MAGED1: variants seen among roughly 807,000 people sequenced by gnomAD.
MAGED1 encodes MAGE family member D1.
In MAGED1, 3 loss-of-function variants were observed where a neutral mutation model predicts 54.1. That is an observed-to-expected ratio of 0.06 (90% confidence interval 0.03 to 0.14). The LOEUF (loss-of-function observed/expected upper bound fraction) is 0.14, where lower values mean the gene tolerates loss of function less well. MAGED1 is among the 10% of genes least tolerant of loss of function. The pLI is 1.00. For synonymous variants in MAGED1, 217 were observed against 227.3 expected (o/e 0.95, Z 0.41); for missense variants, 485 against 623.4 (o/e 0.78, Z 2.36).
At chrX:51,833,278 A>G (rs1341259505) in intron 1 of MAGED1, among the ~76,000 whole-genome samples, 2 of 109,790 alleles carry the variant, frequency 1.8e-5, no homozygotes, top group African/African-American at 6.6e-5. Context: ...TACAGGAATA[A>G]GGTAGTGGAA....
chrX:51,846,128 C>T (rs782534235), intron 1 of MAGED1, among the ~76,000 whole-genome samples: 7 of 111,607 alleles, frequency 6.3e-5, no homozygotes, highest in Non-Finnish European at 1.3e-4. Context: ...TGAATAATGG[C>T]CTCCAAAGAT....
chrX:51,841,811 C>G (rs1023773412), intron 1 of MAGED1, among the ~76,000 whole-genome samples: 5 of 111,879 alleles, frequency 4.5e-5, no homozygotes, highest in Admixed American at 1.9e-4. Context: ...GTTTTGGTAC[C>G]AGTACCGTGC....
intron 1 of MAGED1, among the ~76,000 whole-genome samples, chrX:51,844,421 G>T (rs1926612908): frequency 1.8e-5 from 2 of 112,310 alleles, no homozygotes; most frequent in African/African-American, 6.5e-5. Context: ...AAGAATGAGA[G>T]AAATTGAAGG....
chrX:51,866,914 A>G (rs782291385), intron 1 of MAGED1, among the ~76,000 whole-genome samples: 1 of 112,063 alleles, frequency 8.9e-6, no homozygotes, highest in Admixed American at 9.4e-5. Context: ...TGTTAGTGGT[A>G]AAACATGGAT....
chrX:51,814,454 A>G (rs1557355875), intron 1 of MAGED1, among the ~76,000 whole-genome samples: 1 of 111,883 alleles, frequency 8.9e-6, no homozygotes, highest in Non-Finnish European at 1.9e-5. Flanking sequence ...TTAATCTTAT[A>G]TGACCACCAT....
chrX:51,809,911 A>G (rs1925159896), intron 1 of MAGED1, among the ~76,000 whole-genome samples: 3 of 111,783 alleles, frequency 2.7e-5, no homozygotes, highest in South Asian at 3.7e-4. Flanking sequence ...CTTATCAGCT[A>G]TTTTTTGTCC....
chrX:51,889,248 C>T (rs1010819584), upstream of MAGED1, among the ~76,000 whole-genome samples: 3 of 111,353 alleles, frequency 2.7e-5, no homozygotes, highest in Admixed American at 2.9e-4. Flanking sequence ...GTAATTATTT[C>T]AAAATAAAAA....
chrX:51,879,037 T>C, intron 1 of MAGED1, among the ~76,000 whole-genome samples: 1 of 112,340 alleles, frequency 8.9e-6, no homozygotes, highest in South Asian at 3.7e-4. Context: ...CTTTTTATTA[T>C]TTGCATGTAA....
upstream of MAGED1, among the ~76,000 whole-genome samples, chrX:51,888,752 T>G (rs1247479262): frequency 3.6e-5 from 4 of 111,884 alleles, no homozygotes; most frequent in African/African-American, 1.3e-4. Flanking sequence ...AACCAACTGT[T>G]GTAGCACCTC....
intron 9 of MAGED1, 95 bp from the exon 10 acceptor site, chrX:51,898,484 ACT>A (rs1928864675): frequency 2.0e-6 from 2 of 977,144 alleles, no homozygotes; most frequent in Admixed American, 2.8e-5. Context: ...ACAGTTCTGA[ACT>A]CTCTGCCTCT....
At chrX:51,809,847 C>A (rs1310724523) in intron 1 of MAGED1, among the ~76,000 whole-genome samples, 1 of 111,185 alleles carries the variant, frequency 9.0e-6, no homozygotes, top group African/African-American at 3.3e-5. Flanking sequence ...ATATTTAATT[C>A]TTTCAATCTT....
intron 1 of MAGED1, among the ~76,000 whole-genome samples, chrX:51,813,316 T>C (rs1467465980): frequency 9.0e-6 from 1 of 111,326 alleles, no homozygotes; most frequent in African/African-American, 3.3e-5. Flanking sequence ...AGCCACCATG[T>C]TCTGCTAACT....
chrX:51,845,759 G>A (rs1926663088), intron 1 of MAGED1, among the ~76,000 whole-genome samples: 1 of 111,030 alleles, frequency 9.0e-6, no homozygotes, highest in South Asian at 3.8e-4. Context: ...TTTCTATGTG[G>A]ATCTGATGTG....
At chrX:51,858,042 A>G (rs1602241158) in intron 1 of MAGED1, 1 of 112,530 alleles carries the variant, frequency 8.9e-6, no homozygotes, top group South Asian at 3.7e-4. Flanking sequence ...TCTTGGTAAA[A>G]ATGAAAAAAA....
At chrX:51,861,998 T>TA (rs1178093225) in intron 1 of MAGED1, among the ~76,000 whole-genome samples, 2 of 112,209 alleles carry the variant, frequency 1.8e-5, no homozygotes, top group African/African-American at 3.2e-5. Context: ...GTGTAACTGC[T>TA]AAAAAACGTC....
At chrX:51,861,826 G>A (rs1927289726) in intron 1 of MAGED1, among the ~76,000 whole-genome samples, 1 of 111,187 alleles carries the variant, frequency 9.0e-6, no homozygotes, top group African/African-American at 3.3e-5. Context: ...GGGATTACAG[G>A]CGCCCACCAT....
chrX:51,834,648 A>G (rs1926181334), intron 1 of MAGED1, among the ~76,000 whole-genome samples: 1 of 111,504 alleles, frequency 9.0e-6, no homozygotes. Context: ...ATTGATTTGT[A>G]GAAGTTACAT....
chrX:51,827,478 A>G (rs1373199503), intron 1 of MAGED1, among the ~76,000 whole-genome samples: 3 of 111,830 alleles, frequency 2.7e-5, no homozygotes, highest in African/African-American at 9.8e-5. Context: ...GTGTTTATAC[A>G]TTTGTGAAAA....
At position 51,894,609 on chromosome X, in the gene MAGED1, A is replaced by T. The variant is rs782722273; in HGVS notation, c.45+260A>T. On this transcript the variant is annotated intron_variant, in intron 2 of 12. Coordinates refer to ENST00000326587, the MANE Select transcript of MAGED1 (RefSeq NM_006986.4). ...GAGAATGCGGGGTGGGTAAGGAACC[A>T]TTTTTTTTTTTTTCCAGAATCCTGA... 85 of 990,888 alleles carry T rather than the reference A, an allele frequency of 8.6e-5. No homozygotes were observed. The South Asian group carries it at 1.3e-3, about 16-fold the overall frequency. The allele number at this position is 990,888 out of a possible 1,213,427, so 81.7% of individuals were successfully genotyped here. A position where few individuals can be genotyped will look rare whatever the true frequency, so the allele number is the denominator to read the frequency against.
Sources: gnomAD v4.1 joint callset for allele counts (sites outside exome capture counted in the v4.1 genomes callset) on GRCh38, gnomAD v4.1.1 for gene constraint, MANE v1.5 for transcripts, NCBI Gene and HGNC (gene_info 2026-07-23, HGNC 2026-07-21) for gene names.